PCCA: variants seen among roughly 807,000 people sequenced by gnomAD.
The protein encoded by PCCA is propionyl-CoA carboxylase subunit alpha, also known as propionyl-CoA carboxylase alpha chain, mitochondrial.
In PCCA, 74 loss-of-function variants were observed where a neutral mutation model predicts 101.3. The ratio of observed to expected loss-of-function variants is 0.73; its 90% CI spans 0.61 to 0.89. The LOEUF (loss-of-function observed/expected upper bound fraction) is 0.89. PCCA is among the 40% of genes least tolerant of loss of function. The pLI is 0.00. For missense variants in PCCA, 891 were observed against 907.0 expected (o/e 0.98, Z 0.23); for synonymous variants, 294 against 313.6 (o/e 0.94, Z 0.66).
At chr13:100,422,066 T>TCC (rs59029057) in intron 19 of PCCA, among the ~76,000 whole-genome samples, 2 of 21,442 alleles carry the variant, frequency 9.3e-5, no homozygotes, top group African/African-American at 1.6e-4. Context: ...TCTCTTCTCT[T>TCC]TTCTTTTCTT....
At chr13:100,362,221 C>T (rs115365967) in intron 18 of PCCA, among the ~76,000 whole-genome samples, 3,043 of 151,862 alleles carry the variant, frequency 0.02, 95 homozygotes, top group African/African-American at 0.067. Flanking sequence ...CAGAGCCAAG[C>T]GACTGGAAGG....
chr13:100,478,223 C>G (rs1352458886), intron 21 of PCCA, among the ~76,000 whole-genome samples: 2 of 152,188 alleles, frequency 1.3e-5, no homozygotes, highest in Non-Finnish European at 2.9e-5. Flanking sequence ...CTAGTCTTGT[C>G]TCCTCCAGAG....
At chr13:100,361,017 T>C (rs1447883308) in intron 18 of PCCA, among the ~76,000 whole-genome samples, 3 of 152,202 alleles carry the variant, frequency 2.0e-5, no homozygotes, top group Non-Finnish European at 4.4e-5. Flanking sequence ...CAAATACATA[T>C]TGGTATGGGG....
At chr13:100,132,896 C>T (rs2050694801) in intron 4 of PCCA, among the ~76,000 whole-genome samples, 1 of 152,116 alleles carries the variant, frequency 6.6e-6, no homozygotes, top group African/African-American at 2.4e-5. Flanking sequence ...GCCTCAGCGT[C>T]CTGAGTAGCT....
chr13:100,441,714 G>A (rs1247262575), intron 20 of PCCA, among the ~76,000 whole-genome samples: 5 of 152,140 alleles, frequency 3.3e-5, no homozygotes. Flanking sequence ...ATTTTAATAA[G>A]CGTGGATATG....
chr13:100,355,914 A>G (rs1348009643), intron 18 of PCCA, among the ~76,000 whole-genome samples: 3 of 152,202 alleles, frequency 2.0e-5, no homozygotes, highest in Non-Finnish European at 2.9e-5. Flanking sequence ...TGGCGTAAGC[A>G]TAGACATGTT....
chr13:100,466,566 C>T (rs1024078872), intron 21 of PCCA, among the ~76,000 whole-genome samples: 5 of 152,278 alleles, frequency 3.3e-5, no homozygotes, highest in Admixed American at 6.5e-5. Context: ...AAAGTACCCT[C>T]GTTTGAAATA....
chr13:100,138,934 CAAAAA>C (rs34466523), intron 4 of PCCA, among the ~76,000 whole-genome samples: 2 of 83,078 alleles, frequency 2.4e-5, no homozygotes, highest in Admixed American at 1.4e-4. Context: ...AACTCCATCT[CAAAAA>C]AAAAAAAAAA....
chr13:100,093,010 C>T (rs761119513), intron 1 of PCCA, among the ~76,000 whole-genome samples: 6 of 152,096 alleles, frequency 3.9e-5, no homozygotes, highest in Non-Finnish European at 5.9e-5. Context: ...CTGCTCTAGT[C>T]CTTTTCTAAG....
chr13:100,287,397 T>G (rs1238296945), intron 12 of PCCA, among the ~76,000 whole-genome samples: 1 of 152,138 alleles, frequency 6.6e-6, no homozygotes, highest in African/African-American at 2.4e-5. Context: ...GATAAATGTT[T>G]ATAACTTTCC....
chr13:100,312,716 A>C (rs374138574), intron 16 of PCCA, among the ~76,000 whole-genome samples: 1 of 152,246 alleles, frequency 6.6e-6, no homozygotes, highest in East Asian at 1.9e-4. Context: ...AATAAATTAC[A>C]ATGCATTATT....
intron 21 of PCCA, among the ~76,000 whole-genome samples, chr13:100,501,105 C>G (rs994788903): frequency 6.6e-6 from 1 of 152,082 alleles, no homozygotes; most frequent in African/African-American, 2.4e-5. Flanking sequence ...TCGCCAAGAT[C>G]ATGCCACTGC....
chr13:100,092,388 CTT>C (rs553592520), intron 1 of PCCA, among the ~76,000 whole-genome samples: 7 of 135,118 alleles, frequency 5.2e-5, no homozygotes, highest in Non-Finnish European at 3.3e-5. Context: ...TTCTTTCTTC[CTT>C]TTTTTTTTTT....
rs547414213 is a variant in PCCA at position 100,186,170 on chromosome 13, T to C, written c.469-23162T>C. 3.3e-5 allele frequency among the ~76,000 whole-genome samples: 5 copies of C among 152,366 alleles called. No homozygotes were observed. The South Asian group carries it at 8.3e-4, about 25-fold the overall frequency. On this transcript the variant is annotated intron_variant, in intron 6 of 23. Coordinates refer to ENST00000376285, the MANE Select transcript of PCCA (RefSeq NM_000282.4). ...CAATCAGTGTCTTTGTGTGGCGTTATACAAGTATTTAGTAAAAATATCCAT... is the reference window on the plus strand; with the variant it reads ...CAATCAGTGTCTTTGTGTGGCGTTACACAAGTATTTAGTAAAAATATCCAT...
At chr13:100,099,539 A>G (rs1034054768) in intron 1 of PCCA, among the ~76,000 whole-genome samples, 1 of 151,856 alleles carries the variant, frequency 6.6e-6, no homozygotes, top group Non-Finnish European at 1.5e-5. Flanking sequence ...GGATGGTCTC[A>G]ATCTCCTGAC....
chr13:100,278,615 G>A (rs1339424614), intron 12 of PCCA, among the ~76,000 whole-genome samples: 3 of 151,988 alleles, frequency 2.0e-5, no homozygotes, highest in Non-Finnish European at 4.4e-5. Context: ...GAGTAGTTGG[G>A]ACTATAGGTG....
intron 6 of PCCA, among the ~76,000 whole-genome samples, chr13:100,207,821 C>T (rs973237617): frequency 6.6e-6 from 1 of 151,996 alleles, no homozygotes; most frequent in South Asian, 2.1e-4. Flanking sequence ...AGGTCGAGAT[C>T]ATCCTGGCCA....
At chr13:100,308,905 A>G (rs1302387174) in intron 15 of PCCA, among the ~76,000 whole-genome samples, 3 of 152,206 alleles carry the variant, frequency 2.0e-5, no homozygotes, top group Admixed American at 6.5e-5. Context: ...GTCTTATTTC[A>G]TTGCCAAATT....
At chr13:100,252,792 TTCTC>T (rs1414308838) in intron 8 of PCCA, among the ~76,000 whole-genome samples, 1 of 152,244 alleles carries the variant, frequency 6.6e-6, no homozygotes. Flanking sequence ...GTCTTTGTCT[TTCTC>T]TCTATCTCTG....
Sources: allele counts gnomAD v4.1 joint callset (sites outside exome capture counted in the v4.1 genomes callset), GRCh38; gene constraint gnomAD v4.1.1; transcripts MANE v1.5; gene names NCBI Gene and HGNC (gene_info 2026-07-23, HGNC 2026-07-21).